ALK: variants seen among roughly 807,000 people sequenced by gnomAD.
ALK encodes the protein ALK receptor tyrosine kinase, also known as ALK tyrosine kinase receptor.
In ALK, 74 loss-of-function variants were observed where a neutral mutation model predicts 163.1. The ratio of observed to expected loss-of-function variants is 0.45; its 90% CI spans 0.38 to 0.55. The LOEUF (loss-of-function observed/expected upper bound fraction) is 0.55. ALK is among the 20% of genes least tolerant of loss of function. The probability of loss-of-function intolerance (pLI) is 0.00; values close to 1 mark genes in which losing one functional copy is unlikely to be tolerated. For missense variants in ALK, 2,063 were observed against 2,105.3 expected, an observed-to-expected ratio of 0.98 and a Z score of 0.39; for synonymous variants, 960 against 843.2, an observed-to-expected ratio of 1.14 and a Z score of -2.40.
At chr2:29,722,643 T>C (rs1679454519) in intron 1 of ALK, among the ~76,000 whole-genome samples, 1 of 152,214 alleles carries the variant, frequency 6.6e-6, no homozygotes, top group African/African-American at 2.4e-5. Flanking sequence ...CAAAGTGATC[T>C]TACCCAGTTT....
intron 4 of ALK, among the ~76,000 whole-genome samples, chr2:29,484,807 G>A (rs1238557895): frequency 6.6e-6 from 1 of 152,234 alleles, no homozygotes; most frequent in Non-Finnish European, 1.5e-5. Context: ...TTAAATGACT[G>A]CAAAATTCTA....
chr2:29,566,247 T>C (rs1175037142), intron 3 of ALK, among the ~76,000 whole-genome samples: 1 of 152,220 alleles, frequency 6.6e-6, no homozygotes, highest in East Asian at 1.9e-4. Context: ...CATGATTTGA[T>C]TGGCCACAAC....
chr2:29,575,304 G>A (rs1410948280), intron 3 of ALK, among the ~76,000 whole-genome samples: 5 of 152,052 alleles, frequency 3.3e-5, no homozygotes, highest in Non-Finnish European at 7.4e-5. Flanking sequence ...CCATTGACAC[G>A]GCCTTCTACA....
intron 3 of ALK, among the ~76,000 whole-genome samples, chr2:29,609,263 T>C (rs1355033663): frequency 6.6e-6 from 1 of 151,860 alleles, no homozygotes; most frequent in East Asian, 1.9e-4. Context: ...TCTGGGTGAA[T>C]AGTTGTTTTT....
At chr2:29,818,015 G>A (rs1572403630) in intron 1 of ALK, among the ~76,000 whole-genome samples, 3 of 152,088 alleles carry the variant, frequency 2.0e-5, no homozygotes, top group Admixed American at 1.3e-4. Flanking sequence ...ATTTCCTCTC[G>A]CCATCCAGTG....
chr2:29,763,390 T>C (rs746120847), intron 1 of ALK, among the ~76,000 whole-genome samples: 2 of 152,192 alleles, frequency 1.3e-5, no homozygotes, highest in Non-Finnish European at 2.9e-5. Context: ...TTTTACCAGA[T>C]ATGTGACCTC....
intron 4 of ALK, among the ~76,000 whole-genome samples, chr2:29,503,139 A>G (rs1051286022): frequency 4.6e-5 from 7 of 152,262 alleles, no homozygotes. Flanking sequence ...GAATGAATTT[A>G]TAGTTTTCAA....
chr2:29,532,584 G>C (rs574091181), intron 3 of ALK, among the ~76,000 whole-genome samples: 45 of 152,250 alleles, frequency 3.0e-4, no homozygotes, highest in African/African-American at 9.4e-4. Flanking sequence ...TTCAGCTCTT[G>C]AGCCTATGAG....
intron 3 of ALK, among the ~76,000 whole-genome samples, chr2:29,548,673 G>A (rs1040429265): frequency 2.0e-5 from 3 of 152,050 alleles, no homozygotes; most frequent in African/African-American, 4.8e-5. Context: ...GTCTTGGGCC[G>A]GGGCTCACTA....
In ALK at chr2:29,819,118, C is replaced by T. The variant is rs116641477; in HGVS notation, c.667+100875G>A. 3.3e-3 allele frequency among the ~76,000 whole-genome samples: 506 copies of T among 152,296 alleles called. 4 individuals are homozygous for T. Among genetic ancestry groups the T allele is most frequent in the African/African-American group, 0.011 (470 of 41,546 alleles). On this transcript the variant is annotated intron_variant, in intron 1 of 28. Transcript: ENST00000389048. ...CCTCCAATCAGGATCATCAGGGAGCCTGTTATAAATAAAGAATCTCAGCCT... is the reference window on the plus strand; with the variant it reads ...CCTCCAATCAGGATCATCAGGGAGCTTGTTATAAATAAAGAATCTCAGCCT...
At position 29,335,380 on chromosome 2, in the gene ALK, C is replaced by T. The variant is rs927518313; in HGVS notation, c.1283-6899G>A. Among the ~76,000 whole-genome samples, 18 of 152,266 alleles carry T rather than the reference C, an allele frequency of 1.2e-4. No homozygotes were observed. In the East Asian group the frequency reaches 2.7e-3, roughly 23 times the overall value. On this transcript the variant is annotated intron_variant, in intron 5 of 28. Coordinates refer to ENST00000389048, the MANE Select transcript of ALK (RefSeq NM_004304.5). Reference sequence around the variant, plus strand: ...CTTACAATGTGTTTTCTTTACCCTTCGTTTGAATCTCATAAAAACTGGAAG... The same window carrying T: ...CTTACAATGTGTTTTCTTTACCCTTTGTTTGAATCTCATAAAAACTGGAAG...
chr2:29,225,176 C>T (rs945432816), intron 19 of ALK, among the ~76,000 whole-genome samples: 10 of 152,144 alleles, frequency 6.6e-5, no homozygotes, highest in Admixed American at 5.9e-4. Context: ...CTTTCACCAT[C>T]GTGATGGACA....
At chr2:29,908,590 C>G (rs192677291) in intron 1 of ALK, among the ~76,000 whole-genome samples, 1 of 152,246 alleles carries the variant, frequency 6.6e-6, no homozygotes, top group Admixed American at 6.5e-5. Context: ...TGACTCCCTG[C>G]CAAAAGGCAA....
At chr2:29,414,640 C>G (rs1669822626) in intron 4 of ALK, among the ~76,000 whole-genome samples, 1 of 152,196 alleles carries the variant, frequency 6.6e-6, no homozygotes, top group Non-Finnish European at 1.5e-5. Context: ...CTTACGAGAA[C>G]AAACTATTTT....
intron 3 of ALK, among the ~76,000 whole-genome samples, chr2:29,682,145 C>A (rs2148279678): frequency 6.6e-6 from 1 of 152,186 alleles, no homozygotes; most frequent in Admixed American, 6.6e-5. Context: ...GGGAAGAATA[C>A]TTTAGGCTTT....
chr2:29,268,230 C>T (rs911155079), intron 11 of ALK, among the ~76,000 whole-genome samples: 1 of 152,168 alleles, frequency 6.6e-6, no homozygotes, highest in African/African-American at 2.4e-5. Context: ...TGTGCTATTT[C>T]TTAAGGAGGG....
intron 3 of ALK, among the ~76,000 whole-genome samples, chr2:29,533,039 A>C: frequency 6.6e-6 from 1 of 152,148 alleles, no homozygotes; most frequent in Non-Finnish European, 1.5e-5. Context: ...CAGATAAAAG[A>C]GGGGGATTCC....
At chr2:29,591,562 G>T (rs1377487013) in intron 3 of ALK, among the ~76,000 whole-genome samples, 1 of 152,158 alleles carries the variant, frequency 6.6e-6, no homozygotes, top group Non-Finnish European at 1.5e-5. Context: ...CCAGGTGAAG[G>T]CTGGGCTCTG....
intron 1 of ALK, among the ~76,000 whole-genome samples, chr2:29,914,803 C>A (rs1162211352): frequency 6.6e-6 from 1 of 152,164 alleles, no homozygotes; most frequent in Non-Finnish European, 1.5e-5. Flanking sequence ...TCTTTGTAAT[C>A]TGCACTTGGA....
Sources: gnomAD v4.1 joint callset for allele counts (sites outside exome capture counted in the v4.1 genomes callset) on GRCh38, gnomAD v4.1.1 for gene constraint, MANE v1.5 for transcripts, NCBI Gene and HGNC (gene_info 2026-07-23, HGNC 2026-07-21) for gene names.